Variants in USP36 observed in about 807,000 individuals in gnomAD.
USP36 encodes ubiquitin carboxyl-terminal hydrolase 36.
In USP36, 59 loss-of-function variants were observed where a neutral mutation model predicts 111.5. That is an observed-to-expected ratio of 0.53 (90% CI 0.43 to 0.66). USP36 has a LOEUF of 0.66. USP36 is among the 30% of genes least tolerant of loss of function. The pLI, the probability that USP36 is intolerant of heterozygous loss-of-function variation, is 0.00. For missense variants in USP36, 1,488 were observed against 1,468.0 expected (o/e 1.01, Z -0.22); for synonymous variants, 628 against 581.0 (o/e 1.08, Z -1.16).
At chr17:78,789,522 G>A (rs1187743655) in intron 3 of USP36, among the ~76,000 whole-genome samples, 1 of 152,208 alleles carries the variant, frequency 6.6e-6, no homozygotes, top group Non-Finnish European at 1.5e-5. Context: ...GGAGCCTGGT[G>A]AAGAAGGGGT....
intron 3 of USP36, 38 bp from the exon 4 acceptor site, chr17:78,835,539 CG>C (rs758313435): frequency 3.2e-6 from 5 of 1,553,102 alleles, no homozygotes; most frequent in Non-Finnish European, 3.5e-6. Flanking sequence ...AAGAGGAAGA[CG>C]TAAGTCCACA....
chr17:78,801,618 G>A (rs1197679619), intron 17 of USP36, among the ~76,000 whole-genome samples: 1 of 152,194 alleles, frequency 6.6e-6, no homozygotes, highest in Non-Finnish European at 1.5e-5. Flanking sequence ...CGATTGAGGG[G>A]TGGTGCCCAA....
At chr17:78,804,401 C>T (rs2093835799) in intron 15 of USP36, among the ~76,000 whole-genome samples, 1 of 145,322 alleles carries the variant, frequency 6.9e-6, no homozygotes, top group Admixed American at 7.1e-5. Context: ...GTGGAGGTTG[C>T]AGTGAGCCGA....
chr17:78,809,266 CAA>C (rs2145164162), intron 13 of USP36, among the ~76,000 whole-genome samples: 1 of 152,354 alleles, frequency 6.6e-6, no homozygotes, highest in South Asian at 2.1e-4. Context: ...TTTAAGCATA[CAA>C]AGTCTTCTTC....
In USP36 at chr17:78,807,113, T is replaced by C. The variant is rs749397640; in HGVS notation, c.1931A>G (p.Asn644Ser). 1.2e-6 allele frequency: 2 copies of C among 1,614,088 alleles called. No homozygotes were observed. Among genetic ancestry groups the C allele is most frequent in the Admixed American group, 3.3e-5 (2 of 60,010 alleles). Residue 644 changes from asparagine (N) to serine (S), a missense_variant, in exon 14 of 21, where the codon AAC (asparagine) becomes AGC (serine). Physicochemically the swap from Asn to Ser is conservative, Grantham distance 46 (BLOSUM62 1). Transcript: ENST00000449938. ...TTTGGAGTGGCCAGCGGTGGAACAG[T>C]TCGTTTCCTGAGAATCGCAGAGATG... ...AAHLCDSQET[N>S]CSTAGHSKTP...
intron 6 of USP36, among the ~76,000 whole-genome samples, chr17:78,825,027 G>T (rs898575957): frequency 6.6e-6 from 1 of 152,194 alleles, no homozygotes; most frequent in African/African-American, 2.4e-5. Context: ...GGAGATGCAA[G>T]GAGACAGGCA....
intron 18 of USP36, 92 bp from the exon 19 acceptor site, chr17:78,799,115 C>A: frequency 8.1e-7 from 1 of 1,238,298 alleles, no homozygotes; most frequent in Non-Finnish European, 1.2e-6. Flanking sequence ...CTAGTCTACT[C>A]ATAATTAGTC....
rs752023189 is a variant in USP36, at chr17:78,802,450, G to A, written c.2896C>T (p.Gln966Ter). 1 of 1,607,192 alleles carries A rather than the reference G, an allele frequency of 6.2e-7. No homozygotes were observed. The highest frequency in any genetic ancestry group is 8.5e-7 in the Non-Finnish European group (1 of 1,177,120). The stretch of plus-strand genomic sequence containing the variant: ...TGCCCATCCTCTTCTACTGCCCGCT[G>A]TGTCTCCTGCTTTCTTTTTTTCTTT... ...KKKKKRKQET[Q>*]RAVEEDGHLK... Residue 966 changes from glutamine (Q) to a stop codon, truncating the protein, a stop_gained, in exon 17 of 21, where the codon CAG (glutamine) becomes TAG (stop). Transcript: ENST00000449938. LOFTEE classifies it high-confidence loss of function.
At chr17:78,835,209 T>C in intron 4 of USP36, 71 bp downstream of exon 4, 2 of 1,488,582 alleles carry the variant, frequency 1.3e-6, no homozygotes, top group South Asian at 1.2e-5. Flanking sequence ...AGAGCAGCAG[T>C]GCCACAAGTG....
intron 13 of USP36, among the ~76,000 whole-genome samples, chr17:78,809,993 C>T (rs1158869730): frequency 6.6e-6 from 1 of 152,030 alleles, no homozygotes; most frequent in African/African-American, 2.4e-5. Flanking sequence ...ATTACAGGCG[C>T]ACGCCACCAT....
intron 4 of USP36, among the ~76,000 whole-genome samples, chr17:78,829,707 C>T (rs1394531162): frequency 6.6e-6 from 1 of 152,180 alleles, no homozygotes; most frequent in Non-Finnish European, 1.5e-5. Flanking sequence ...CCCACCCCTG[C>T]GCTACATAAA....
At chr17:78,811,130 CAAAAAAAAAAAA>C (rs969048033) in intron 13 of USP36, among the ~76,000 whole-genome samples, 17 of 28,350 alleles carry the variant, frequency 6.0e-4, no homozygotes, top group South Asian at 1.6e-3. Flanking sequence ...GACTCTGTCT[CAAAAAAAAAAAA>C]AAAAAAAAAA....
chr17:78,801,641 C>T (rs1225179775), intron 17 of USP36, among the ~76,000 whole-genome samples: 1 of 152,220 alleles, frequency 6.6e-6, no homozygotes, highest in African/African-American at 2.4e-5. Flanking sequence ...ACAGCCACAG[C>T]ACACAGGTCC....
At chr17:78,812,626 C>CT (rs1283901793) in intron 13 of USP36, among the ~76,000 whole-genome samples, 3 of 144,964 alleles carry the variant, frequency 2.1e-5, no homozygotes, top group Non-Finnish European at 4.5e-5. Context: ...GGAGGCAGAG[C>CT]TTGCAGTGAG....
Position 78,813,839 on chromosome 17 carries a change from G to T in USP36, c.1199C>A (p.Ser400Tyr). The T allele has an allele frequency of 6.2e-7, 1 of 1,614,184 alleles. No individual in the cohort carries two copies. Among genetic ancestry groups the T allele is most frequent in the Non-Finnish European group, 8.5e-7 (1 of 1,180,028 alleles). ...SNGQWYQMND[S>Y]LVHSSNVKVV... ...CTTGACGTTGCTGGAATGGACCAAG[G>T]AATCATTCATCTGGTACCACTGTCC... Residue 400 changes from serine (S) to tyrosine (Y), a missense_variant, in exon 12 of 21, where the codon TCC becomes TAC. By Grantham distance (144) the Ser-to-Tyr change is moderately radical (BLOSUM62 -2). This residue lies in a region of USP36 where 1,073 missense variants were observed against 994.1 expected (regional missense o/e 1.08). Coordinates refer to ENST00000449938, the MANE Select transcript of USP36 (RefSeq NM_001385174.1).
At chr17:78,804,334 G>A (rs1357310213) in intron 15 of USP36, among the ~76,000 whole-genome samples, 4 of 151,628 alleles carry the variant, frequency 2.6e-5, no homozygotes, top group East Asian at 1.9e-4. Flanking sequence ...GGTGGCACAC[G>A]CCTGTAATCT....
downstream of USP36, among the ~76,000 whole-genome samples, chr17:78,794,619 C>T (rs1049533465): frequency 5.9e-5 from 9 of 152,138 alleles, no homozygotes; most frequent in East Asian, 3.9e-4. Flanking sequence ...GTTTGGGAAA[C>T]GGCAGTTAAG....
Position 78,798,530 on chromosome 17 carries a change from T to C in USP36, c.3262A>G (p.Lys1088Glu). 1.9e-6 allele frequency: 3 copies of C among 1,613,976 alleles called. No homozygotes were observed. The highest frequency in any genetic ancestry group is 2.5e-6 in the Non-Finnish European group (3 of 1,180,026). The change falls in exon 20 of 21, where the codon AAG (lysine) becomes GAG (glutamate). Residue 1088 changes from lysine to glutamate, a missense_variant. Transcript: ENST00000449938. This position sits in a 1 kb window ranked among gnomAD's most constrained non-coding sequence, Gnocchi z 5.1. ...TTGAAGTTTCTCCTCTTCTCTCTCT[T>C]AAATTTTTTAATTTTCTTTTCCTAG... Reference protein sequence around the residue: ...RGKEKKIKKFKREKRRNFNAF... With the variant: ...RGKEKKIKKFEREKRRNFNAF...
chr17:78,831,901 C>A (rs548110236), intron 4 of USP36, among the ~76,000 whole-genome samples: 4 of 147,878 alleles, frequency 2.7e-5, no homozygotes, highest in African/African-American at 1.0e-4. Context: ...TATGATTACA[C>A]CACTGGACTC....
Sources: allele counts gnomAD v4.1 joint callset (sites outside exome capture counted in the v4.1 genomes callset), GRCh38; gene constraint gnomAD v4.1.1; regional missense constraint gnomAD v4.1.1; non-coding constraint Gnocchi (gnomAD v3.1); transcripts MANE v1.5; gene names NCBI Gene and HGNC (gene_info 2026-07-23, HGNC 2026-07-21).